SCRG1: variants seen among roughly 807,000 people sequenced by gnomAD.
SCRG1 encodes stimulator of chondrogenesis 1.
Under a neutral mutation model 7.7 loss-of-function variants are expected in SCRG1, and 3 were observed. That is an observed-to-expected ratio of 0.39 (90% CI 0.18 to 1.01). SCRG1 has a LOEUF of 1.01. Among genes scored for constraint, SCRG1 ranks in the 50% least tolerant of loss-of-function variants. The pLI, the probability that SCRG1 is intolerant of heterozygous loss-of-function variation, is 0.36. For synonymous variants in SCRG1, 46 were observed against 41.2 expected, an observed-to-expected ratio of 1.12 and a Z score of -0.44; for missense variants, 110 against 117.2, an observed-to-expected ratio of 0.94 and a Z score of 0.28.
At chr4:173,497,081 G>C in the SCRG1 span, among the ~76,000 whole-genome samples, 2 of 152,034 alleles carry the variant, frequency 1.3e-5, no homozygotes, top group Non-Finnish European at 2.9e-5. Flanking sequence ...ACTCCAGCCT[G>C]GGCAACAGAG....
the SCRG1 span, among the ~76,000 whole-genome samples, chr4:173,482,692 C>A: frequency 1.3e-5 from 2 of 151,344 alleles, no homozygotes; most frequent in Non-Finnish European, 2.9e-5. Context: ...GTGATGTGTG[C>A]CTGTAATCCT....
chr4:173,411,779 C>A, the SCRG1 span, among the ~76,000 whole-genome samples: 1 of 151,702 alleles, frequency 6.6e-6, no homozygotes, highest in Non-Finnish European at 1.5e-5. Context: ...TTGGTAAGCT[C>A]TCACTAAACT....
At chr4:173,454,717 G>A in the SCRG1 span, among the ~76,000 whole-genome samples, 5 of 152,188 alleles carry the variant, frequency 3.3e-5, no homozygotes, top group Non-Finnish European at 5.9e-5. Context: ...GTCTAGAGAA[G>A]CTCATGGGCA....
At chr4:173,408,991 C>CAAAAAAAA (rs991902394), upstream of SCRG1, among the ~76,000 whole-genome samples, 4 of 51,230 alleles carry the variant, frequency 7.8e-5, no homozygotes, top group South Asian at 4.9e-4. Context: ...GACTCAGTCT[C>CAAAAAAAA]AAAAAAAAAA....
chr4:173,440,595 G>A, the SCRG1 span, among the ~76,000 whole-genome samples: 1 of 152,198 alleles, frequency 6.6e-6, no homozygotes, highest in African/African-American at 2.4e-5. Context: ...TATCCAATAT[G>A]GTGTGGCAGT....
chr4:173,483,952 AATATAT>A, the SCRG1 span, among the ~76,000 whole-genome samples: 1 of 87,506 alleles, frequency 1.1e-5, no homozygotes, highest in Admixed American at 1.9e-4. Context: ...AATCATATAT[AATATAT>A]TATATATTTT....
chr4:173,459,360 G>T, the SCRG1 span, among the ~76,000 whole-genome samples: 2 of 152,072 alleles, frequency 1.3e-5, no homozygotes, highest in Non-Finnish European at 2.9e-5. Context: ...CATATCTTAG[G>T]CCACAAAACA....
At chr4:173,421,026 C>A in the SCRG1 span, among the ~76,000 whole-genome samples, 1 of 152,148 alleles carries the variant, frequency 6.6e-6, no homozygotes, top group African/African-American at 2.4e-5. Flanking sequence ...AAATCATAAG[C>A]CATGATTCTG....
the SCRG1 span, among the ~76,000 whole-genome samples, chr4:173,473,421 T>C: frequency 6.6e-6 from 1 of 152,138 alleles, no homozygotes; most frequent in Non-Finnish European, 1.5e-5. Flanking sequence ...GGCAATAAAT[T>C]TTGCAGCCAC....
At chr4:173,422,288 T>C in the SCRG1 span, among the ~76,000 whole-genome samples, 1 of 152,202 alleles carries the variant, frequency 6.6e-6, no homozygotes, top group African/African-American at 2.4e-5. Flanking sequence ...TGGTTATTAA[T>C]TTTCCCATTG....
At chr4:173,441,696 A>G in the SCRG1 span, among the ~76,000 whole-genome samples, 485 of 152,354 alleles carry the variant, frequency 3.2e-3, 3 homozygotes, top group African/African-American at 0.011. Flanking sequence ...TGAATACAAT[A>G]TAAGTCTTGT....
At chr4:173,445,292 C>T in the SCRG1 span, among the ~76,000 whole-genome samples, 2 of 152,108 alleles carry the variant, frequency 1.3e-5, no homozygotes, top group South Asian at 2.1e-4. Flanking sequence ...ATAGAAAATA[C>T]TCATGCAAGG....
chr4:173,466,738 C>A, the SCRG1 span, among the ~76,000 whole-genome samples: 1 of 152,188 alleles, frequency 6.6e-6, no homozygotes, highest in African/African-American at 2.4e-5. Context: ...TAATAGTTGA[C>A]AAAGTAATGT....
upstream of SCRG1, among the ~76,000 whole-genome samples, chr4:173,400,624 A>G (rs1739736431): frequency 1.3e-5 from 2 of 152,238 alleles, no homozygotes; most frequent in Non-Finnish European, 2.9e-5. Flanking sequence ...TGGTTGTACC[A>G]CTAAGAAGTT....
the SCRG1 span, among the ~76,000 whole-genome samples, chr4:173,417,615 C>T: frequency 6.6e-6 from 1 of 151,228 alleles, no homozygotes; most frequent in African/African-American, 2.4e-5. Context: ...TCCTTCCTTC[C>T]TTCCTCCCTT....
At chr4:173,496,888 C>T in the SCRG1 span, among the ~76,000 whole-genome samples, 1 of 152,084 alleles carries the variant, frequency 6.6e-6, no homozygotes, top group Non-Finnish European at 1.5e-5. Context: ...AGGCGGATCA[C>T]AAGGTCAGGA....
At chr4:173,508,664 C>A in the SCRG1 span, among the ~76,000 whole-genome samples, 1 of 152,204 alleles carries the variant, frequency 6.6e-6, no homozygotes, top group African/African-American at 2.4e-5. This position sits in a 1 kb window ranked among gnomAD's most constrained non-coding sequence, Gnocchi z 4.4. Context: ...CCGCCCGAAT[C>A]TCCCCAAGTG....
rs546679430 is a variant in SCRG1 at position 173,394,592 on chromosome 4, C to T, written c.-14-3164G>A. On this transcript the variant is annotated intron_variant, in intron 1 of 2. Coordinates refer to ENST00000296506, the MANE Select transcript of SCRG1 (RefSeq NM_007281.4). ...CCAGGAGGCAGAGATTGTAGTGAGC[C>T]GAGATCTGTGCCACTGCACCTGAGT... Among the ~76,000 whole-genome samples, 20 of 152,080 alleles carry T rather than the reference C, an allele frequency of 1.3e-4. No homozygotes were observed. The East Asian group carries it at 2.9e-3, about 22-fold the overall frequency.
the SCRG1 span, among the ~76,000 whole-genome samples, chr4:173,455,458 T>A: frequency 1.3e-5 from 2 of 152,100 alleles, no homozygotes; most frequent in Non-Finnish European, 2.9e-5. Flanking sequence ...GTCTTTTTAA[T>A]GGGAAGTCCC....
Sources: gnomAD v4.1 joint callset for allele counts (sites outside exome capture counted in the v4.1 genomes callset) on GRCh38, gnomAD v4.1.1 for gene constraint, Gnocchi (gnomAD v3.1) non-coding constraint, MANE v1.5 for transcripts, NCBI Gene and HGNC (gene_info 2026-07-23, HGNC 2026-07-21) for gene names.